Variants in OTOG observed in about 807,000 individuals in gnomAD.
OTOG encodes the protein otogelin.
A neutral mutation model predicts 313.8 loss-of-function variants in OTOG; 296 were observed. The observed-to-expected ratio is 0.94, with a 90% confidence interval of 0.86 to 1.04. The LOEUF is 1.04. Ranked by LOEUF, OTOG falls within the 50% of genes least tolerant of loss-of-function variation. The pLI is 0.00. For synonymous variants in OTOG, 1,533 were observed against 1,554.9 expected, an observed-to-expected ratio of 0.99 and a Z score of 0.33; for missense variants, 3,948 against 3,840.1, an observed-to-expected ratio of 1.03 and a Z score of -0.74.
Position 17,573,278 on chromosome 11 carries a change from C to A in OTOG, c.2281C>A (p.Leu761Met). 6.5e-7 allele frequency: 1 copy of A among 1,527,372 alleles called. No homozygotes were observed. The highest frequency in any genetic ancestry group is 8.8e-7 in the Non-Finnish European group (1 of 1,141,066). 94.6% of individuals were successfully genotyped at this position (1,527,372 alleles called of 1,614,324 possible). Reference protein sequence around the residue: ...HGLPVDFRARLPACALSCEAS... With the variant: ...HGLPVDFRARMPACALSCEAS... ...GCTCCCCGTTGATTTCCGCGCCCGCCTGCCAGCCTGTGGTGAGTGCCCCAC... is the reference window on the plus strand; with the variant it reads ...GCTCCCCGTTGATTTCCGCGCCCGCATGCCAGCCTGTGGTGAGTGCCCCAC... The change falls in exon 19 of 56, where the codon CTG becomes ATG. Residue 761 changes from leucine (L) to methionine (M), a missense_variant. Physicochemically the swap from Leu to Met is conservative, Grantham distance 15. Coordinates refer to ENST00000399397, the MANE Select transcript of OTOG (RefSeq NM_001292063.2).
chr11:17,604,718 C>A (rs1028248341), intron 32 of OTOG, among the ~76,000 whole-genome samples: 1 of 152,278 alleles, frequency 6.6e-6, no homozygotes, highest in African/African-American at 2.4e-5. Context: ...GTGCCTAGAA[C>A]AGGGCCTGGC....
In OTOG at chr11:17,574,848, G is replaced by A. The variant is rs1365310907; in HGVS notation, c.2422G>A (p.Val808Met). ...CGATGACCTGAGCAGAGACGAGTGT[G>A]TGGAGGGCTGTGCCTGCCCACCGGA... is the stretch of plus-strand genomic sequence containing the variant. Reference protein sequence around the residue: ...GGDDLSRDECVEGCACPPDTY... With the variant: ...GGDDLSRDECMEGCACPPDTY... The change falls in exon 20 of 56, where the codon GTG becomes ATG. Residue 808 changes from valine to methionine, a missense_variant. Val to Met is a conservative substitution (Grantham distance 21). Coordinates refer to ENST00000399397, the MANE Select transcript of OTOG (RefSeq NM_001292063.2). 1 of 1,548,616 alleles carries A rather than the reference G, an allele frequency of 6.5e-7. No homozygotes were observed. Among genetic ancestry groups the A allele is most frequent in the Non-Finnish European group, 8.7e-7 (1 of 1,145,946 alleles).
rs182720714 is a variant in OTOG at position 17,592,742 on chromosome 11, T to C, written c.3007-451T>C. ...TTTTCCCCATCGATGGACATTTAGGTTGTCTCCAATATTTAAATGCAGCAG... is the reference window on the plus strand; with the variant it reads ...TTTTCCCCATCGATGGACATTTAGGCTGTCTCCAATATTTAAATGCAGCAG... On this transcript the variant is annotated intron_variant, in intron 25 of 55. Coordinates refer to ENST00000399397, the MANE Select transcript of OTOG (RefSeq NM_001292063.2). Among the ~76,000 whole-genome samples the C allele has an allele frequency of 2.0e-4, 31 of 152,308 alleles. No homozygotes were observed. In the East Asian group the frequency reaches 3.9e-3, roughly 19 times the overall value.
intron 4 of OTOG, 29 bp downstream of exon 4, chr11:17,552,104 G>A: frequency 6.5e-7 from 1 of 1,545,698 alleles, no homozygotes. Context: ...GTGGTCCATG[G>A]GTTGTGCATG....
At chr11:17,569,514 C>T (rs910782099) in intron 16 of OTOG, among the ~76,000 whole-genome samples, 1 of 152,202 alleles carries the variant, frequency 6.6e-6, no homozygotes, top group African/African-American at 2.4e-5. Context: ...ATGGCTTCTC[C>T]TAACATGAAC....
At chr11:17,578,641 C>A (rs1274363460) in intron 23 of OTOG, 115 bp downstream of exon 23, 32 of 1,306,592 alleles carry the variant, frequency 2.4e-5, no homozygotes, top group Non-Finnish European at 3.2e-5. Context: ...GGCACTGGCC[C>A]AGGCTGGCCA....
rs1312232053 is a variant in OTOG, at chr11:17,632,236, C to T, written c.7072+10C>T. ...CGCTCTGACTACTGCCGTGAGTTTGCGGGGCAGGGGGACCCTCCATTGTGA... is the reference window on the plus strand; with the variant it reads ...CGCTCTGACTACTGCCGTGAGTTTGTGGGGCAGGGGGACCCTCCATTGTGA... On this transcript the variant is annotated intron_variant, in intron 42 of 55. Transcript: ENST00000399397. The T allele has an allele frequency of 4.2e-5, 65 of 1,547,182 alleles. No homozygotes were observed. In the Admixed American group the frequency reaches 8.8e-4, roughly 21 times the overall value.
In OTOG at chr11:17,613,691, T is replaced by G; in HGVS notation, c.6518T>G (p.Phe2173Cys). 6.5e-7 allele frequency: 1 copy of G among 1,550,386 alleles called. No homozygotes were observed. Among genetic ancestry groups the G allele is most frequent in the South Asian group, 1.2e-5 (1 of 84,032 alleles). Residue 2173 changes from phenylalanine (F) to cysteine (C), a missense_variant, in exon 39 of 56, where the codon TTC becomes TGC. Physicochemically the swap from Phe to Cys is radical, Grantham distance 205. Transcript: ENST00000399397. ...HLAHQVTIDR[F>C]NRKVTVDLQP... ...GCCCATCAGGTCACTATTGATCGCT[T>G]CAACCGAAAGGTGAGTGCATCAAAC...
intron 39 of OTOG, among the ~76,000 whole-genome samples, chr11:17,616,165 C>T (rs113767966): frequency 2.3e-3 from 352 of 151,970 alleles, no homozygotes; most frequent in African/African-American, 8.0e-3. Context: ...GCTCAGCAAT[C>T]CCCCCACCTC....
intron 23 of OTOG, among the ~76,000 whole-genome samples, chr11:17,582,676 T>C (rs992516733): frequency 7.9e-5 from 12 of 152,390 alleles, no homozygotes; most frequent in Non-Finnish European, 1.8e-4. Flanking sequence ...TACATGGTCC[T>C]ATCTCATTAT....
intron 28 of OTOG, 90 bp downstream of exon 28, chr11:17,594,256 G>A: frequency 6.7e-7 from 1 of 1,485,768 alleles, no homozygotes; most frequent in Non-Finnish European, 9.1e-7. Context: ...GAAGAGGGAT[G>A]CTGGTGTGAG....
chr11:17,573,613 C>T (rs1663887476), intron 19 of OTOG, among the ~76,000 whole-genome samples: 1 of 152,178 alleles, frequency 6.6e-6, no homozygotes, highest in South Asian at 2.1e-4. Flanking sequence ...AGCCACCTTG[C>T]GTTGCACCTT....
rs1158119980 is a variant in OTOG, at chr11:17,547,866, G to A, written c.95-61G>A. ...GAGGCTTTCTAGCAGTGGGGGCCAG[G>A]TGGTGGGAGGCCCCAGTAAAGACAA... On this transcript the variant is annotated intron_variant, in intron 1 of 55. Coordinates refer to ENST00000399397, the MANE Select transcript of OTOG (RefSeq NM_001292063.2). The A allele has an allele frequency of 1.1e-5, 5 of 446,418 alleles. No individual in the cohort carries two copies. The Admixed American group carries it at 1.9e-4, about 17-fold the overall frequency. The allele number at this position is 446,418 out of a possible 1,614,324, so 27.7% of individuals were successfully genotyped here. A position where few individuals can be genotyped will look rare whatever the true frequency, so the allele number is the denominator to read the frequency against.
intron 17 of OTOG, 103 bp downstream of exon 17, chr11:17,570,493 G>T: frequency 8.9e-7 from 1 of 1,120,834 alleles, no homozygotes; most frequent in Admixed American, 2.4e-5. Flanking sequence ...AGCCTTCACT[G>T]TGCCCAGCAT....
In OTOG at chr11:17,641,090, C is replaced by A. The variant is rs913708652; in HGVS notation, c.8189C>A (p.Ala2730Glu). The A allele has an allele frequency of 2.3e-5, 8 of 343,584 alleles. No homozygotes were observed. The East Asian group carries it at 1.1e-3, about 48-fold the overall frequency. The allele number at this position is 343,584 out of a possible 1,614,324, so 21.3% of individuals were successfully genotyped here. A position where few individuals can be genotyped will look rare whatever the true frequency, so the allele number is the denominator to read the frequency against. Residue 2730 changes from alanine to glutamate, a missense_variant and splice_region_variant, in exon 51 of 56, where the codon GCG becomes GAG. By Grantham distance (107) the Ala-to-Glu change is moderately radical. Coordinates refer to ENST00000399397, the MANE Select transcript of OTOG (RefSeq NM_001292063.2). ...TSVLCDIHCEANQEYEHPRDL... is the reference protein window; with the variant it reads ...TSVLCDIHCEENQEYEHPRDL... The stretch of plus-strand genomic sequence containing the variant: ...GTGCTCTGTGACATCCACTGTGAGG[C>A]GGTAGGGTGCAGCCCAGGGCGGGGT...
chr11:17,624,345 G>A (rs1375518388), intron 39 of OTOG, among the ~76,000 whole-genome samples: 6 of 152,130 alleles, frequency 3.9e-5, no homozygotes, highest in Non-Finnish European at 7.4e-5. Context: ...CGTAAGGAAG[G>A]GGTCCCATTT....
rs148374318 is a variant in OTOG at position 17,611,452 on chromosome 11, C to T, written c.6123+29C>T. 1.9e-4 allele frequency: 284 copies of T among 1,473,890 alleles called. 2 individuals are homozygous for T. In the Middle Eastern group the frequency reaches 4.1e-3, roughly 21 times the overall value. 91.3% of individuals were successfully genotyped at this position (1,473,890 alleles called of 1,614,324 possible). On this transcript the variant is annotated intron_variant, in intron 36 of 55. Transcript: ENST00000399397. ...AGTGATTTGCCAGGGTTCTGGCCAC[C>T]CGTATGTGACCCTTCCCTTCATCCC...
rs1041280806 is a variant in OTOG at position 17,634,836 on chromosome 11, G to A, written c.7481-8G>A. 1.9e-5 allele frequency: 30 copies of A among 1,547,180 alleles called. No individual in the cohort carries two copies. Among genetic ancestry groups the A allele is most frequent in the African/African-American group, 1.8e-4 (13 of 72,906 alleles). On this transcript the variant is annotated splice_region_variant and splice_polypyrimidine_tract_variant and intron_variant, in intron 44 of 55. Transcript: ENST00000399397. ...CGAGGTGACAGGCCCTGTGGTCCCC[G>A]GGGCCAGTGTGTAACCAGACTCTGT...
At chr11:17,629,384 C>A in intron 40 of OTOG, 68 bp downstream of exon 40, 1 of 1,449,014 alleles carries the variant, frequency 6.9e-7, no homozygotes, top group East Asian at 2.5e-5. Flanking sequence ...ACACATAATT[C>A]CTCCTGGAGC....
Sources: allele counts gnomAD v4.1 joint callset (sites outside exome capture counted in the v4.1 genomes callset), GRCh38; gene constraint gnomAD v4.1.1; transcripts MANE v1.5; gene names NCBI Gene and HGNC (gene_info 2026-07-23, HGNC 2026-07-21).